SPOCK1: variants seen among roughly 807,000 people sequenced by gnomAD.
The protein encoded by SPOCK1 is SPARC (osteonectin), cwcv and kazal like domains proteoglycan 1, also known as testican-1.
SPOCK1 carries 23 observed loss-of-function variants against 55.3 expected under a neutral mutation model. The observed-to-expected ratio is 0.42, with a 90% confidence interval of 0.30 to 0.59. SPOCK1 has a LOEUF of 0.59. SPOCK1 is among the 20% of genes least tolerant of loss of function. SPOCK1 has a pLI of 0.22. For missense variants in SPOCK1, 499 were observed against 552.5 expected (o/e 0.90, Z 0.97); for synonymous variants, 226 against 221.0 (o/e 1.02, Z -0.20).
intron 2 of SPOCK1, among the ~76,000 whole-genome samples, chr5:137,441,655 C>T (rs189232479): frequency 9.3e-4 from 141 of 152,256 alleles, no homozygotes; most frequent in African/African-American, 3.3e-3. Context: ...ACAAGGCTGG[C>T]AGCTGTGTCT....
At chr5:137,043,556 T>A (rs935089796) in intron 6 of SPOCK1, among the ~76,000 whole-genome samples, 1 of 152,280 alleles carries the variant, frequency 6.6e-6, no homozygotes, top group African/African-American at 2.4e-5. Context: ...AAGGTTTGCA[T>A]CAATGGTGAT....
intron 3 of SPOCK1, among the ~76,000 whole-genome samples, chr5:137,152,631 T>C (rs572177404): frequency 6.6e-6 from 1 of 152,350 alleles, no homozygotes; most frequent in East Asian, 1.9e-4. Flanking sequence ...GGAGGGGTTG[T>C]TGACATTCTA....
chr5:137,310,215 G>T (rs1757765541), intron 2 of SPOCK1, among the ~76,000 whole-genome samples: 1 of 151,858 alleles, frequency 6.6e-6, no homozygotes, highest in Non-Finnish European at 1.5e-5. Context: ...GAAAACGTAG[G>T]CGCAAAGTGC....
chr5:137,203,592 T>G (rs576993782), intron 3 of SPOCK1, among the ~76,000 whole-genome samples: 1 of 152,294 alleles, frequency 6.6e-6, no homozygotes, highest in East Asian at 1.9e-4. Flanking sequence ...TAGGATGACA[T>G]TACCATGTTT....
chr5:137,323,966 C>G (rs1034355303), intron 2 of SPOCK1, among the ~76,000 whole-genome samples: 2 of 152,186 alleles, frequency 1.3e-5, no homozygotes, highest in Non-Finnish European at 2.9e-5. Flanking sequence ...AGCCATCCCA[C>G]TTCCAAGTAT....
At position 137,127,781 on chromosome 5, in the gene SPOCK1, G is replaced by A. The variant is rs546013024; in HGVS notation, c.347+12799C>T. Among the ~76,000 whole-genome samples, 4 of 152,308 alleles carry A rather than the reference G, an allele frequency of 2.6e-5. No individual in the cohort carries two copies. In the East Asian group the frequency reaches 7.7e-4, roughly 29 times the overall value. ...TTGGTTTCACAGGTTCACAGCTGGA[G>A]AGCAATTTGCCTCAGGATGAACAGT... On this transcript the variant is annotated intron_variant, in intron 4 of 10. Transcript: ENST00000394945.
chr5:137,133,182 A>C (rs13186295), intron 4 of SPOCK1, among the ~76,000 whole-genome samples: 72,536 of 151,848 alleles, frequency 0.48, 17,508 homozygotes, highest in Middle Eastern at 0.52. Context: ...ATCCTGGCTA[A>C]CACAGCGAAA....
Position 137,065,493 on chromosome 5 carries a change from C to T in SPOCK1, c.589+2222G>A, listed in dbSNP as rs541488672. ...CTACTGACACTTCAATTAACAGACT[C>T]ATTGGTGCAGGCTTCCAAGGTGGTA... On this transcript the variant is annotated intron_variant, in intron 6 of 10. Transcript: ENST00000394945. Among the ~76,000 whole-genome samples, 22 of 152,280 alleles carry T rather than the reference C, an allele frequency of 1.4e-4. 1 individual carries two copies. In the South Asian group the frequency reaches 4.2e-3, roughly 29 times the overall value.
At chr5:137,083,977 A>G (rs1490841977) in intron 5 of SPOCK1, among the ~76,000 whole-genome samples, 1 of 152,054 alleles carries the variant, frequency 6.6e-6, no homozygotes. Flanking sequence ...CATGACCTTC[A>G]GCCTGTCACT....
In SPOCK1 at chr5:137,241,038, C is replaced by T. The variant is rs141391587; in HGVS notation, c.232+25972G>A. On this transcript the variant is annotated intron_variant, in intron 3 of 10. Coordinates refer to ENST00000394945, the MANE Select transcript of SPOCK1 (RefSeq NM_004598.4). ...CTAAAGAATAAAGTTGGTTCTATATCCTACATCACGTACCAAAATAAATTC... is the reference window on the plus strand; with the variant it reads ...CTAAAGAATAAAGTTGGTTCTATATTCTACATCACGTACCAAAATAAATTC... Among the ~76,000 whole-genome samples the T allele has an allele frequency of 1.1e-3, 171 of 152,238 alleles. 4 individuals are homozygous for T. The Middle Eastern group carries it at 0.014, about 12-fold the overall frequency.
At chr5:137,459,089 G>A (rs1366152710) in intron 2 of SPOCK1, among the ~76,000 whole-genome samples, 3 of 152,170 alleles carry the variant, frequency 2.0e-5, no homozygotes, top group Admixed American at 1.3e-4. Flanking sequence ...GCCCTATATC[G>A]AGTGAGTGTG....
chr5:137,266,206 A>C (rs2916637), intron 3 of SPOCK1, among the ~76,000 whole-genome samples: 10,018 of 152,232 alleles, frequency 0.066, 1,037 homozygotes, highest in African/African-American at 0.22. Context: ...CACATTACAG[A>C]ACTGAAGCTG....
intron 3 of SPOCK1, among the ~76,000 whole-genome samples, chr5:137,202,414 C>G (rs1755444140): frequency 6.6e-6 from 1 of 152,136 alleles, no homozygotes; most frequent in Non-Finnish European, 1.5e-5. Flanking sequence ...CATGACAAAC[C>G]AGAAAAGCCA....
intron 9 of SPOCK1, among the ~76,000 whole-genome samples, chr5:136,981,789 C>T (rs985128531): frequency 1.3e-5 from 2 of 152,204 alleles, no homozygotes; most frequent in Non-Finnish European, 2.9e-5. Context: ...TCTTAGTCTA[C>T]TTGAACTGTA....
chr5:137,347,338 C>T (rs935441073), intron 2 of SPOCK1, among the ~76,000 whole-genome samples: 5 of 152,174 alleles, frequency 3.3e-5, no homozygotes, highest in African/African-American at 7.2e-5. Flanking sequence ...TAATTTCTCA[C>T]GCGTCAGAGT....
chr5:137,044,357 T>C (rs1752064206), intron 6 of SPOCK1, among the ~76,000 whole-genome samples: 1 of 152,202 alleles, frequency 6.6e-6, no homozygotes, highest in African/African-American at 2.4e-5. Context: ...CGTGAAAGTT[T>C]TAACCAAAGC....
chr5:137,207,095 A>G (rs1222184517), intron 3 of SPOCK1, among the ~76,000 whole-genome samples: 1 of 152,196 alleles, frequency 6.6e-6, no homozygotes. Flanking sequence ...TGAGTAACAG[A>G]TTTTCCCAGC....
At chr5:137,099,576 G>T (rs1452114347) in intron 5 of SPOCK1, among the ~76,000 whole-genome samples, 1 of 103,382 alleles carries the variant, frequency 9.7e-6, no homozygotes, top group Non-Finnish European at 2.0e-5. Flanking sequence ...ATATATGTGT[G>T]TGTATATATA....
Position 137,460,698 on chromosome 5 carries a change from C to T in SPOCK1, c.186+37675G>A, listed in dbSNP as rs117855826. On this transcript the variant is annotated intron_variant, in intron 2 of 10. Transcript: ENST00000394945. ...GATGAGTAGAGAAGGTGATCTCTAA[C>T]ATCAAATAGAATCCAATTCCTTACA... Among the ~76,000 whole-genome samples, 106 of 152,318 alleles carry T rather than the reference C, an allele frequency of 7.0e-4. 3 individuals are homozygous for T. The East Asian group carries it at 0.016, about 24-fold the overall frequency.
Sources: allele counts gnomAD v4.1 joint callset (sites outside exome capture counted in the v4.1 genomes callset), GRCh38; gene constraint gnomAD v4.1.1; transcripts MANE v1.5; gene names NCBI Gene and HGNC (gene_info 2026-07-23, HGNC 2026-07-21).